Variants in RHBDL3 observed in about 807,000 individuals in gnomAD.
The protein encoded by RHBDL3 is rhomboid-related protein 3.
Under a neutral mutation model 48.2 loss-of-function variants are expected in RHBDL3, and 28 were observed. The observed-to-expected ratio is 0.58, with a 90% CI of 0.43 to 0.80. The LOEUF is 0.80. Ranked by LOEUF, RHBDL3 falls within the 30% of genes least tolerant of loss-of-function variation. RHBDL3 has a pLI of 0.00. For missense variants in RHBDL3, 464 were observed against 542.7 expected (o/e 0.85, Z 1.44); for synonymous variants, 208 against 232.3 (o/e 0.90, Z 0.95).
intron 7 of RHBDL3, among the ~76,000 whole-genome samples, chr17:32,310,773 A>G (rs1478425196): frequency 1.3e-5 from 2 of 151,954 alleles, no homozygotes; most frequent in Admixed American, 6.6e-5. Flanking sequence ...GGTCCCAGCT[A>G]CTCAGGATGC....
At chr17:32,303,332 A>G (rs950688892) in intron 6 of RHBDL3, among the ~76,000 whole-genome samples, 1 of 152,176 alleles carries the variant, frequency 6.6e-6, no homozygotes, top group African/African-American at 2.4e-5. Context: ...AAAGGTAATT[A>G]ATGAGGAGCA....
intron 6 of RHBDL3, among the ~76,000 whole-genome samples, chr17:32,303,035 G>A (rs1404344877): frequency 6.6e-6 from 1 of 152,198 alleles, no homozygotes; most frequent in Admixed American, 6.5e-5. Context: ...CTGTGCCCAA[G>A]GTCACACAGC....
intron 3 of RHBDL3, 130 bp downstream of exon 3, chr17:32,284,947 G>A: frequency 2.6e-6 from 2 of 782,840 alleles, no homozygotes; most frequent in Non-Finnish European, 4.1e-6. Context: ...GGCTTCTGAG[G>A]TGAAAGGGTG....
intron 2 of RHBDL3, among the ~76,000 whole-genome samples, chr17:32,269,743 G>A (rs2039726722): frequency 6.6e-6 from 1 of 152,096 alleles, no homozygotes; most frequent in Admixed American, 6.5e-5. Flanking sequence ...AGAACAAAGT[G>A]TATCATTCTT....
rs376169535 is a variant in RHBDL3 at position 32,305,326 on chromosome 17, G to A, written c.782-15G>A. ...TCCCGCACTCCTGAGAATTCTCGCT[G>A]TCTTTCTGTACTAGGGTCCTTGGCA... On this transcript the variant is annotated splice_polypyrimidine_tract_variant and intron_variant, in intron 6 of 8. Transcript: ENST00000269051. 5.0e-6 allele frequency: 8 copies of A among 1,595,118 alleles called. No individual in the cohort carries two copies. The highest frequency in any genetic ancestry group is 1.7e-4 in the Middle Eastern group (1 of 6,052).
chr17:32,309,548 GTC>G (rs903878173), intron 7 of RHBDL3, among the ~76,000 whole-genome samples: 1 of 151,704 alleles, frequency 6.6e-6, no homozygotes, highest in African/African-American at 2.4e-5. Context: ...GCGAAACTCT[GTC>G]TCAAAAAAGA....
chr17:32,283,461 C>T (rs992151450), intron 2 of RHBDL3, among the ~76,000 whole-genome samples: 1 of 151,614 alleles, frequency 6.6e-6, no homozygotes, highest in African/African-American at 2.4e-5. Context: ...GTAGCTGGGA[C>T]TACAGGCGCA....
intron 2 of RHBDL3, among the ~76,000 whole-genome samples, chr17:32,276,301 C>G (rs991291112): frequency 2.0e-5 from 3 of 152,012 alleles, no homozygotes; most frequent in African/African-American, 7.3e-5. Flanking sequence ...GGGAAAAGAT[C>G]AAGGGAAGGG....
chr17:32,282,708 C>T (rs534918084), intron 2 of RHBDL3, among the ~76,000 whole-genome samples: 168 of 152,254 alleles, frequency 1.1e-3, no homozygotes, highest in South Asian at 8.1e-3. Flanking sequence ...CTGCAAGCTC[C>T]GCCTCCCAGG....
chr17:32,311,604 G>A (rs1005514033), intron 7 of RHBDL3, among the ~76,000 whole-genome samples: 2 of 152,154 alleles, frequency 1.3e-5, no homozygotes, highest in African/African-American at 4.8e-5. Context: ...AAAGTGTGCG[G>A]CAGAGGGATG....
At chr17:32,316,905 CCT>C (rs1285202533) in intron 8 of RHBDL3, among the ~76,000 whole-genome samples, 1 of 151,080 alleles carries the variant, frequency 6.6e-6, no homozygotes. Context: ...GGAGCCTCCC[CCT>C]GTCACCCAGG....
intron 4 of RHBDL3, among the ~76,000 whole-genome samples, chr17:32,291,260 G>C (rs1034819254): frequency 5.9e-5 from 9 of 151,864 alleles, no homozygotes; most frequent in African/African-American, 2.2e-4. Flanking sequence ...TTGAACCCGG[G>C]AGGCGGAGGT....
At chr17:32,305,556 G>C (rs900037611) in intron 7 of RHBDL3, 115 bp downstream of exon 7, 6 of 743,788 alleles carry the variant, frequency 8.1e-6, no homozygotes, top group African/African-American at 3.4e-5. Context: ...CTGACCTGGA[G>C]CAGAGTTCTC....
intron 2 of RHBDL3, 147 bp from the exon 3 acceptor site, chr17:32,284,512 G>T: frequency 1.5e-6 from 1 of 671,664 alleles, no homozygotes. Flanking sequence ...TTTCCCAGGG[G>T]GGTCCTTGGA....
intron 2 of RHBDL3, among the ~76,000 whole-genome samples, chr17:32,273,356 C>T (rs2039820512): frequency 6.6e-6 from 1 of 152,248 alleles, no homozygotes; most frequent in South Asian, 2.1e-4. Flanking sequence ...ACTGAGGTCA[C>T]TTGGTGCAAT....
At chr17:32,320,937 C>G (rs753175230) in intron 8 of RHBDL3, 21 bp from the exon 9 acceptor site, 2 of 1,597,208 alleles carry the variant, frequency 1.3e-6, no homozygotes, top group African/African-American at 1.3e-5. Context: ...TGTGACATCT[C>G]TCTGCTTCCT....
intron 4 of RHBDL3, among the ~76,000 whole-genome samples, chr17:32,291,379 T>G (rs934156868): frequency 6.7e-6 from 1 of 149,606 alleles, no homozygotes; most frequent in African/African-American, 2.5e-5. Context: ...ACCTTGAGTG[T>G]ATGAGCAAAA....
At chr17:32,313,242 G>C (rs1048030142) in intron 7 of RHBDL3, among the ~76,000 whole-genome samples, 1 of 152,124 alleles carries the variant, frequency 6.6e-6, no homozygotes, top group Non-Finnish European at 1.5e-5. Context: ...CATAATCCTA[G>C]CTACCTGGGA....
At chr17:32,287,015 A>G (rs893085262) in intron 3 of RHBDL3, among the ~76,000 whole-genome samples, 1 of 152,206 alleles carries the variant, frequency 6.6e-6, no homozygotes, top group Non-Finnish European at 1.5e-5. Context: ...ACCCGGGGAA[A>G]CTACTCACCC....
Sources: gnomAD v4.1 joint callset for allele counts (sites outside exome capture counted in the v4.1 genomes callset) on GRCh38, gnomAD v4.1.1 for gene constraint, MANE v1.5 for transcripts, NCBI Gene and HGNC (gene_info 2026-07-23, HGNC 2026-07-21) for gene names.